STK32B: variants seen among roughly 807,000 people sequenced by gnomAD.
STK32B encodes the protein serine/threonine-protein kinase 32B.
A neutral mutation model predicts 52.6 loss-of-function variants in STK32B; 43 were observed. The ratio of observed to expected loss-of-function variants is 0.82; its 90% confidence interval spans 0.64 to 1.05. The LOEUF (loss-of-function observed/expected upper bound fraction) is 1.05, where lower values mean the gene tolerates loss of function less well. Ranked by LOEUF, STK32B falls within the 50% of genes least tolerant of loss-of-function variation. The pLI, the probability that STK32B is intolerant of heterozygous loss-of-function variation, is 0.00. For missense variants in STK32B, 621 were observed against 534.6 expected (o/e 1.16, Z -1.59); for synonymous variants, 238 against 204.3 (o/e 1.17, Z -1.41).
intron 2 of STK32B, among the ~76,000 whole-genome samples, chr4:5,163,399 C>A (rs934066013): frequency 1.3e-5 from 2 of 152,072 alleles, no homozygotes; most frequent in Non-Finnish European, 2.9e-5. Flanking sequence ...CCGCATACAG[C>A]TTCAAGGATT....
intron 3 of STK32B, among the ~76,000 whole-genome samples, chr4:5,233,318 T>C (rs1724405273): frequency 6.6e-6 from 1 of 152,102 alleles, no homozygotes; most frequent in South Asian, 2.1e-4. Context: ...TATCATGGGA[T>C]TGACGTGTGC....
rs77249662 is a variant in STK32B, at chr4:5,111,641, C to T, written c.53-28264C>T. 8.0e-3 allele frequency among the ~76,000 whole-genome samples: 1,215 copies of T among 152,174 alleles called. 22 individuals are homozygous for T. The highest frequency in any genetic ancestry group is 0.028 in the African/African-American group (1,149 of 41,482). On this transcript the variant is annotated intron_variant, in intron 1 of 11. Coordinates refer to ENST00000282908, the MANE Select transcript of STK32B (RefSeq NM_018401.3). ...GGGTTGGGAAGGGTTGAAAAATTATCTATTGGGTAGAACATCCAATATATG... is the reference window on the plus strand; with the variant it reads ...GGGTTGGGAAGGGTTGAAAAATTATTTATTGGGTAGAACATCCAATATATG...
chr4:5,051,728 G>C lies in STK32B; in HGVS notation c.-136G>C. ...CCGTCCCCGCCCCTGCACGGTGCTCGGCCCCCTCGGGCTCCGCGCGCGGCT... is the reference window on the plus strand; with the variant it reads ...CCGTCCCCGCCCCTGCACGGTGCTCCGCCCCCTCGGGCTCCGCGCGCGGCT... On this transcript the variant is annotated 5_prime_UTR_variant, in exon 1 of 12. Transcript: ENST00000282908. 1 of 1,183,316 alleles carries C rather than the reference G, an allele frequency of 8.5e-7. No individual in the cohort carries two copies. Among genetic ancestry groups the C allele is most frequent in the Middle Eastern group, 2.3e-4 (1 of 4,330 alleles). The allele number at this position is 1,183,316 out of a possible 1,614,324, so 73.3% of individuals were successfully genotyped here. A position where few individuals can be genotyped will look rare whatever the true frequency, so the allele number is the denominator to read the frequency against.
chr4:5,110,860 G>A (rs1010952276), intron 1 of STK32B, among the ~76,000 whole-genome samples: 3 of 151,698 alleles, frequency 2.0e-5, no homozygotes, highest in African/African-American at 7.3e-5. Flanking sequence ...TACAAGTTAT[G>A]CCCTCAACAA....
chr4:5,143,606 G>A (rs1716673627), intron 2 of STK32B, among the ~76,000 whole-genome samples: 1 of 152,120 alleles, frequency 6.6e-6, no homozygotes. Flanking sequence ...ACAGATCTCA[G>A]GACCAGTTCA....
rs541765462 is a variant in STK32B at position 5,303,129 on chromosome 4, C to T, written c.261-28091C>T. On this transcript the variant is annotated intron_variant, in intron 3 of 11. Coordinates refer to ENST00000282908, the MANE Select transcript of STK32B (RefSeq NM_018401.3). Reference sequence around the variant, plus strand: ...CATGTTTTCACAATTGGGAATTACGCTGCCGTAAACATGTGTGTGCAGGTA... The same window carrying T: ...CATGTTTTCACAATTGGGAATTACGTTGCCGTAAACATGTGTGTGCAGGTA... Among the ~76,000 whole-genome samples the T allele has an allele frequency of 1.0e-3, 150 of 150,260 alleles. 1 individual carries two copies. The highest frequency in any genetic ancestry group is 3.6e-3 in the African/African-American group (145 of 39,948).
Position 5,272,532 on chromosome 4 carries a change from G to A in STK32B, c.261-58688G>A, listed in dbSNP as rs1187589967. Among the ~76,000 whole-genome samples the A allele has an allele frequency of 5.3e-5, 8 of 151,228 alleles. No homozygotes were observed. In the South Asian group the frequency reaches 6.3e-4, roughly 12 times the overall value. On this transcript the variant is annotated intron_variant, in intron 3 of 11. Transcript: ENST00000282908. ...ATGCTGGCCTCATAAAATGAGTTAG[G>A]GAGGATTCCCTCTTTTTCTATTGAT...
At chr4:5,318,904 A>T (rs1409143050) in intron 3 of STK32B, among the ~76,000 whole-genome samples, 3 of 151,536 alleles carry the variant, frequency 2.0e-5, no homozygotes, top group Non-Finnish European at 4.4e-5. Flanking sequence ...GGTTTATGCC[A>T]TTCACCTGCC....
At chr4:5,160,739 C>T (rs899324315) in intron 2 of STK32B, among the ~76,000 whole-genome samples, 1 of 152,194 alleles carries the variant, frequency 6.6e-6, no homozygotes, top group African/African-American at 2.4e-5. Flanking sequence ...TCCCTGTTGT[C>T]ATGGGGTTCA....
At chr4:5,321,804 T>TGCCCCC (rs1166609156) in intron 3 of STK32B, among the ~76,000 whole-genome samples, 1 of 152,172 alleles carries the variant, frequency 6.6e-6, no homozygotes, top group Non-Finnish European at 1.5e-5. Context: ...CGACTGCTCC[T>TGCCCCC]GCCCCCAACT....
intron 6 of STK32B, among the ~76,000 whole-genome samples, chr4:5,435,400 C>T (rs547524211): frequency 6.6e-6 from 1 of 152,226 alleles, no homozygotes; most frequent in South Asian, 2.1e-4. Context: ...ACACACGTGC[C>T]CCAGGGGGTC....
intron 1 of STK32B, among the ~76,000 whole-genome samples, chr4:5,092,363 C>T (rs1713132358): frequency 1.3e-5 from 2 of 152,096 alleles, no homozygotes; most frequent in African/African-American, 2.4e-5. Flanking sequence ...GAAACCCTGT[C>T]TTTACTAAAA....
Position 5,265,021 on chromosome 4 carries a change from A to G in STK32B, c.261-66199A>G, listed in dbSNP as rs1298912008. Among the ~76,000 whole-genome samples the G allele has an allele frequency of 2.0e-5, 3 of 152,144 alleles. No individual in the cohort carries two copies. In the East Asian group the frequency reaches 5.8e-4, roughly 29 times the overall value. On this transcript the variant is annotated intron_variant, in intron 3 of 11. Coordinates refer to ENST00000282908, the MANE Select transcript of STK32B (RefSeq NM_018401.3). ...AGAATTATTACCTACCTCATATCAC[A>G]AAGGTAGTCTTCTGTGTTCCTTCTA... is the stretch of plus-strand genomic sequence containing the variant.
chr4:5,359,424 C>T (rs1270241298), intron 4 of STK32B, among the ~76,000 whole-genome samples: 5 of 142,236 alleles, frequency 3.5e-5, no homozygotes, highest in African/African-American at 5.0e-5. Context: ...TCCACCTGTG[C>T]ACTCAATAGT....
intron 5 of STK32B, among the ~76,000 whole-genome samples, chr4:5,413,757 T>G (rs1020054162): frequency 3.3e-5 from 5 of 152,198 alleles, no homozygotes; most frequent in African/African-American, 1.2e-4. Flanking sequence ...ACCAAGGGTC[T>G]GAGAGGCTGA....
chr4:5,353,304 A>G (rs1178904086), intron 4 of STK32B, among the ~76,000 whole-genome samples: 4 of 147,492 alleles, frequency 2.7e-5, no homozygotes, highest in African/African-American at 1.1e-4. Flanking sequence ...AAACTACTGG[A>G]AGAAAACAAG....
rs541797744 is a variant in STK32B at position 5,399,454 on chromosome 4, T to C, written c.472+1210T>C. ...TGGTGGATGGGACCATTTGCATCTC[T>C]GCATCAGATGCTGGAACCAGACTAA... On this transcript the variant is annotated intron_variant, in intron 5 of 11. Coordinates refer to ENST00000282908, the MANE Select transcript of STK32B (RefSeq NM_018401.3). The surrounding 1 kb of genome is among the most constrained non-coding windows in gnomAD (Gnocchi z 5.4). Among the ~76,000 whole-genome samples the C allele has an allele frequency of 1.3e-5, 2 of 152,288 alleles. No individual in the cohort carries two copies. The highest frequency in any genetic ancestry group is 3.9e-4 in the East Asian group (2 of 5,172).
At chr4:5,019,393 G>T in the STK32B span, 1 of 1,496,514 alleles carries the variant, frequency 6.7e-7, no homozygotes, top group South Asian at 1.3e-5. Flanking sequence ...CCGCGCGGCG[G>T]GGGCTCCCGC....
chr4:5,140,440 A>T (rs919702215), intron 2 of STK32B: 15 of 441,176 alleles, frequency 3.4e-5, no homozygotes, highest in East Asian at 1.8e-4. Context: ...ATACTCAGAA[A>T]TTTTTTTTTT....
Sources: allele counts gnomAD v4.1 joint callset (sites outside exome capture counted in the v4.1 genomes callset), GRCh38; gene constraint gnomAD v4.1.1; non-coding constraint Gnocchi (gnomAD v3.1); transcripts MANE v1.5; gene names NCBI Gene and HGNC (gene_info 2026-07-23, HGNC 2026-07-21).